SLC2A13: variants seen among roughly 807,000 people sequenced by gnomAD.
The protein encoded by SLC2A13 is solute carrier family 2 member 13.
SLC2A13 carries 32 observed loss-of-function variants against 64.4 expected under a neutral mutation model. The observed-to-expected ratio is 0.50, with a 90% CI of 0.37 to 0.67. SLC2A13 has a LOEUF of 0.67. Among genes scored for constraint, SLC2A13 ranks in the 30% least tolerant of loss-of-function variants. SLC2A13 has a pLI of 0.00. For synonymous variants in SLC2A13, 338 were observed against 327.1 expected, an observed-to-expected ratio of 1.03 and a Z score of -0.36; for missense variants, 743 against 829.2, an observed-to-expected ratio of 0.90 and a Z score of 1.28.
intron 3 of SLC2A13, among the ~76,000 whole-genome samples, chr12:40,024,034 C>T (rs1947764060): frequency 6.6e-6 from 1 of 152,232 alleles, no homozygotes; most frequent in Admixed American, 6.5e-5. Flanking sequence ...TGCCTCTCTT[C>T]ACTCAACTTT....
At chr12:39,861,575 C>T (rs1237329504) in intron 6 of SLC2A13, among the ~76,000 whole-genome samples, 1 of 151,822 alleles carries the variant, frequency 6.6e-6, no homozygotes, top group Non-Finnish European at 1.5e-5. Flanking sequence ...TTGGCTAGCT[C>T]TTATGAGAAA....
intron 4 of SLC2A13, among the ~76,000 whole-genome samples, chr12:39,909,536 T>G (rs1497053): frequency 0.96 from 146,339 of 152,176 alleles, 70,668 homozygotes; most frequent in East Asian, 1. Context: ...TACAGACCTG[T>G]TATAAACATG....
intron 1 of SLC2A13, among the ~76,000 whole-genome samples, chr12:40,090,438 G>A (rs1938728248): frequency 6.6e-6 from 1 of 152,114 alleles, no homozygotes; most frequent in South Asian, 2.1e-4. Flanking sequence ...GTGGCTTTGA[G>A]TTTATGTCTA....
chr12:40,004,332 G>A (rs908682335), intron 3 of SLC2A13, among the ~76,000 whole-genome samples: 3 of 152,018 alleles, frequency 2.0e-5, no homozygotes, highest in African/African-American at 7.2e-5. Context: ...TTACAGGAAT[G>A]TGCCACCATG....
At chr12:40,099,233 G>A (rs953907095) in intron 1 of SLC2A13, among the ~76,000 whole-genome samples, 34 of 152,268 alleles carry the variant, frequency 2.2e-4, no homozygotes, top group Non-Finnish European at 4.4e-4. Context: ...CCTGACAATG[G>A]AAGTTTTGAT....
chr12:39,982,578 C>T (rs373835844), intron 3 of SLC2A13, among the ~76,000 whole-genome samples: 6 of 150,084 alleles, frequency 4.0e-5, no homozygotes, highest in South Asian at 2.1e-4. Flanking sequence ...CCATTCACAA[C>T]TGCTTCAAAG....
At chr12:39,810,835 G>T (rs1942135251) in intron 7 of SLC2A13, among the ~76,000 whole-genome samples, 1 of 151,984 alleles carries the variant, frequency 6.6e-6, no homozygotes. Context: ...TTCAATTTGA[G>T]AATTTTTCTG....
At position 39,755,925 on chromosome 12, in the gene SLC2A13, C is replaced by T. The variant is rs1939959524; in HGVS notation, c.*4101G>A. The T allele has an allele frequency of 6.6e-6, 1 of 151,964 alleles. No homozygotes were observed. Among genetic ancestry groups the T allele is most frequent in the South Asian group, 2.1e-4 (1 of 4,822 alleles). The allele number at this position is 151,964 out of a possible 1,614,324, so 9.4% of individuals were successfully genotyped here. Reference sequence around the variant, plus strand: ...CACCTCTTTGATGATTACTGGCACACAAAAATTTCCTTCTCTAAAGAGACA... The same window carrying T: ...CACCTCTTTGATGATTACTGGCACATAAAAATTTCCTTCTCTAAAGAGACA... On this transcript the variant is annotated 3_prime_UTR_variant, in exon 10 of 10. Transcript: ENST00000280871.
chr12:39,924,440 G>A (rs959733940), intron 4 of SLC2A13, among the ~76,000 whole-genome samples: 1 of 151,558 alleles, frequency 6.6e-6, no homozygotes, highest in South Asian at 2.1e-4. Flanking sequence ...CATTAGTATA[G>A]AAGTATTTGC....
intron 3 of SLC2A13, among the ~76,000 whole-genome samples, chr12:39,998,145 A>T (rs1947263460): frequency 6.6e-6 from 1 of 152,206 alleles, no homozygotes; most frequent in Non-Finnish European, 1.5e-5. Flanking sequence ...CAGCGAGTGG[A>T]TAAAGAAATT....
At chr12:39,909,179 C>T (rs184792012) in intron 4 of SLC2A13, among the ~76,000 whole-genome samples, 1 of 152,058 alleles carries the variant, frequency 6.6e-6, no homozygotes, top group African/African-American at 2.4e-5. Flanking sequence ...TAAATAATTA[C>T]ACTACAATTT....
intron 7 of SLC2A13, among the ~76,000 whole-genome samples, chr12:39,803,975 A>G (rs1456979875): frequency 6.6e-6 from 1 of 152,168 alleles, no homozygotes; most frequent in Admixed American, 6.5e-5. Flanking sequence ...CAGGGCTCAA[A>G]GCATCCAAAG....
At chr12:39,997,520 C>A (rs1325823057) in intron 3 of SLC2A13, among the ~76,000 whole-genome samples, 5 of 152,246 alleles carry the variant, frequency 3.3e-5, no homozygotes, top group Non-Finnish European at 2.9e-5. Context: ...TGTGATACCA[C>A]CTTACTCCTG....
intron 7 of SLC2A13, among the ~76,000 whole-genome samples, chr12:39,790,228 T>C (rs1941338830): frequency 6.6e-6 from 1 of 152,026 alleles, no homozygotes; most frequent in African/African-American, 2.4e-5. Context: ...TCTTCTTCTT[T>C]TTTTATTATA....
intron 4 of SLC2A13, among the ~76,000 whole-genome samples, chr12:39,909,891 T>TA (rs1173400831): frequency 1.3e-5 from 2 of 151,034 alleles, no homozygotes; most frequent in African/African-American, 2.4e-5. Context: ...GTAAATAACA[T>TA]AGAGTGTGCC....
intron 2 of SLC2A13, among the ~76,000 whole-genome samples, chr12:40,046,986 C>T (rs1948181442): frequency 6.6e-6 from 1 of 151,764 alleles, no homozygotes; most frequent in South Asian, 2.1e-4. Context: ...ACTGCAACCT[C>T]CGCCTTCAGG....
At chr12:39,773,143 G>A (rs993971591) in intron 7 of SLC2A13, among the ~76,000 whole-genome samples, 2 of 152,168 alleles carry the variant, frequency 1.3e-5, no homozygotes, top group African/African-American at 2.4e-5. Flanking sequence ...TGTGGGCTGG[G>A]ATTAGAAAAA....
intron 4 of SLC2A13, among the ~76,000 whole-genome samples, chr12:39,898,390 G>C (rs774290564): frequency 2.0e-5 from 3 of 152,150 alleles, no homozygotes; most frequent in Non-Finnish European, 4.4e-5. Context: ...CAAATCTCAT[G>C]CTAGAAAATC....
chr12:39,884,892 T>A (rs1413427605), intron 4 of SLC2A13, among the ~76,000 whole-genome samples: 2 of 152,162 alleles, frequency 1.3e-5, no homozygotes, highest in African/African-American at 2.4e-5. Flanking sequence ...GCATTTAAAA[T>A]CAGCCAAGGA....
Sources: allele counts gnomAD v4.1 joint callset (sites outside exome capture counted in the v4.1 genomes callset), GRCh38; gene constraint gnomAD v4.1.1; transcripts MANE v1.5; gene names NCBI Gene and HGNC (gene_info 2026-07-23, HGNC 2026-07-21).